Variants in LHFPL2 observed in about 807,000 individuals in gnomAD.
LHFPL2 encodes the protein LHFPL tetraspan subfamily member 2.
LHFPL2 carries 7 observed loss-of-function variants against 17.5 expected under a neutral mutation model. That is an observed-to-expected ratio of 0.40 (90% CI 0.23 to 0.75). LHFPL2 has a LOEUF of 0.75. Among genes scored for constraint, LHFPL2 ranks in the 30% least tolerant of loss-of-function variants. The pLI is 0.37. For synonymous variants in LHFPL2, 134 were observed against 116.2 expected (o/e 1.15, Z -0.99); for missense variants, 241 against 294.8 (o/e 0.82, Z 1.34).
chr5:78,571,491 T>C (rs565858228), intron 2 of LHFPL2, among the ~76,000 whole-genome samples: 5 of 152,232 alleles, frequency 3.3e-5, no homozygotes, highest in African/African-American at 1.2e-4. Flanking sequence ...CTAATAATTA[T>C]TCGCTTGTCT....
At chr5:78,641,335 T>A (rs1287559866) in intron 1 of LHFPL2, among the ~76,000 whole-genome samples, 1 of 152,236 alleles carries the variant, frequency 6.6e-6, no homozygotes, top group Admixed American at 6.5e-5. Context: ...CCAGACAACC[T>A]GGTTACGTCT....
At chr5:78,609,401 A>G (rs1302254772) in intron 2 of LHFPL2, among the ~76,000 whole-genome samples, 1 of 142,390 alleles carries the variant, frequency 7.0e-6, no homozygotes, top group Non-Finnish European at 1.5e-5. Context: ...AGGTGAGCCG[A>G]GATCGAGCCA....
rs1467404211 is a variant in LHFPL2, at chr5:78,583,928, C to T, written c.-244-19057G>A. ...ATCACTTTCAGGTACACCAATCAGA[C>T]GTAGATTTGGTCTTTTCACATAGTC... On this transcript the variant is annotated intron_variant, in intron 2 of 4. Coordinates refer to ENST00000380345, the MANE Select transcript of LHFPL2 (RefSeq NM_005779.3). Among the ~76,000 whole-genome samples, 1,185 of 151,708 alleles carry T rather than the reference C, an allele frequency of 7.8e-3. 6 individuals are homozygous for T. Among genetic ancestry groups the T allele is most frequent in the Non-Finnish European group, 0.013 (880 of 67,922 alleles).
intron 2 of LHFPL2, among the ~76,000 whole-genome samples, chr5:78,584,466 G>T (rs1462422067): frequency 1.3e-5 from 2 of 152,076 alleles, no homozygotes; most frequent in Non-Finnish European, 2.9e-5. Context: ...TTTTTGGTGT[G>T]GATGTCCTTT....
chr5:78,516,211 AG>A (rs1755286372), intron 3 of LHFPL2, among the ~76,000 whole-genome samples: 1 of 150,760 alleles, frequency 6.6e-6, no homozygotes, highest in South Asian at 2.1e-4. Context: ...TATATTTAAG[AG>A]GACCCAAATG....
chr5:78,589,530 CAA>C (rs940282869), intron 2 of LHFPL2, among the ~76,000 whole-genome samples: 1 of 151,662 alleles, frequency 6.6e-6, no homozygotes, highest in Non-Finnish European at 1.5e-5. Flanking sequence ...AAAGTCATTG[CAA>C]AAAAACAGCA....
chr5:78,578,510 T>C (rs1035763956), intron 2 of LHFPL2, among the ~76,000 whole-genome samples: 1 of 151,902 alleles, frequency 6.6e-6, no homozygotes, highest in African/African-American at 2.4e-5. Flanking sequence ...GGTACAGAGG[T>C]TTTGGCAATT....
intron 3 of LHFPL2, among the ~76,000 whole-genome samples, chr5:78,559,073 T>C (rs946749208): frequency 1.3e-5 from 2 of 152,178 alleles, no homozygotes; most frequent in African/African-American, 4.8e-5. Context: ...TCTCCCAAAC[T>C]TCCCTTTTAG....
chr5:78,644,009 C>T (rs1331581503), intron 1 of LHFPL2, among the ~76,000 whole-genome samples: 1 of 152,192 alleles, frequency 6.6e-6, no homozygotes, highest in African/African-American at 2.4e-5. Context: ...TTGCAGTGAG[C>T]TGAGATCATG....
Position 78,532,368 on chromosome 5 carries a change from G to C in LHFPL2, c.-185-21970C>G, listed in dbSNP as rs146357512. Among the ~76,000 whole-genome samples, 558 of 152,244 alleles carry C rather than the reference G, an allele frequency of 3.7e-3. 4 individuals carry two copies. Among genetic ancestry groups the C allele is most frequent in the African/African-American group, 0.013 (522 of 41,532 alleles). On this transcript the variant is annotated intron_variant, in intron 3 of 4. Transcript: ENST00000380345. ...AGCCATTGCACCTAACCCTGACTCAGCTTTGACCTTGGCTTTTCTCCTGCT... is the reference window on the plus strand; with the variant it reads ...AGCCATTGCACCTAACCCTGACTCACCTTTGACCTTGGCTTTTCTCCTGCT...
chr5:78,486,860 A>C lies in LHFPL2; in HGVS notation c.*2037T>G, dbSNP rs1754260855. On this transcript the variant is annotated 3_prime_UTR_variant, in exon 5 of 5. Transcript: ENST00000380345. Reference sequence around the variant, plus strand: ...TGAGATTGTAAACCTAGTGTCAGAAAATGGTTTCTCTATCCAAGAAAGAAA... The same window carrying C: ...TGAGATTGTAAACCTAGTGTCAGAACATGGTTTCTCTATCCAAGAAAGAAA... 1.3e-5 allele frequency: 2 copies of C among 152,196 alleles called. No homozygotes were observed. The highest frequency in any genetic ancestry group is 4.1e-4 in the South Asian group (2 of 4,832). The allele number at this position is 152,196 out of a possible 1,614,324, so 9.4% of individuals were successfully genotyped here.
chr5:78,507,698 C>T (rs1754972679), intron 4 of LHFPL2, among the ~76,000 whole-genome samples: 1 of 152,066 alleles, frequency 6.6e-6, no homozygotes, highest in Non-Finnish European at 1.5e-5. Context: ...ACATGACAAA[C>T]CAGGAGTCTC....
rs752599327 is a variant in LHFPL2 at position 78,510,138 on chromosome 5, T to A, written c.76A>T (p.Ile26Phe). The change falls in exon 4 of 5, where the codon ATT becomes TTT. Residue 26 changes from isoleucine (I) to phenylalanine (F), a missense_variant. Ile to Phe is a conservative substitution (Grantham distance 21, BLOSUM62 0). Coordinates refer to ENST00000380345, the MANE Select transcript of LHFPL2 (RefSeq NM_005779.3). ...AGCCAGTCTGCACTCATGAAGGCAATGAGCTCGGCAAAAGCCACCACAATA... is the reference window on the plus strand; with the variant it reads ...AGCCAGTCTGCACTCATGAAGGCAAAGAGCTCGGCAAAAGCCACCACAATA... ...LSIVVAFAEL[I>F]AFMSADWLIG... 6 of 1,612,964 alleles carry A rather than the reference T, an allele frequency of 3.7e-6. 1 individual carries two copies. The South Asian group carries it at 4.4e-5, about 12-fold the overall frequency.
intron 3 of LHFPL2, among the ~76,000 whole-genome samples, chr5:78,514,185 G>A (rs943307415): frequency 1.1e-4 from 16 of 151,142 alleles, no homozygotes; most frequent in Non-Finnish European, 1.6e-4. Flanking sequence ...CTAGGCCCTC[G>A]CTGCCATTCT....
intron 2 of LHFPL2, among the ~76,000 whole-genome samples, chr5:78,615,671 C>T (rs977293620): frequency 6.6e-6 from 1 of 152,158 alleles, no homozygotes; most frequent in Non-Finnish European, 1.5e-5. Context: ...TAAAAGAACT[C>T]AGATTGTCCC....
chr5:78,485,870 T>C lies in LHFPL2; in HGVS notation c.*3027A>G, dbSNP rs1754221219. The C allele has an allele frequency of 6.5e-6, 1 of 152,758 alleles. No individual in the cohort carries two copies. Among genetic ancestry groups the C allele is most frequent in the South Asian group, 2.1e-4 (1 of 4,824 alleles). The allele number at this position is 152,758 out of a possible 1,614,324, so 9.5% of individuals were successfully genotyped here. A position where few individuals can be genotyped will look rare whatever the true frequency, so the allele number is the denominator to read the frequency against. ...TTATTTTAGACCCAGGAAAAAATGA[T>C]TTCATACCAGTCTTTTCTTCACATA... On this transcript the variant is annotated 3_prime_UTR_variant, in exon 5 of 5. Transcript: ENST00000380345.
At chr5:78,517,481 G>A (rs890956248) in intron 3 of LHFPL2, among the ~76,000 whole-genome samples, 3 of 152,150 alleles carry the variant, frequency 2.0e-5, no homozygotes, top group Non-Finnish European at 2.9e-5. Context: ...AGACATACCC[G>A]AAACTGGGTA....
intron 3 of LHFPL2, among the ~76,000 whole-genome samples, chr5:78,558,665 A>T (rs1756645818): frequency 6.6e-6 from 1 of 152,154 alleles, no homozygotes; most frequent in Non-Finnish European, 1.5e-5. Context: ...GAGATCCAAA[A>T]CATCCCTGTG....
intron 1 of LHFPL2, among the ~76,000 whole-genome samples, chr5:78,637,368 G>A (rs1745488580): frequency 6.6e-6 from 1 of 151,110 alleles, no homozygotes. Context: ...CATGTAATGA[G>A]GAAATCATTT....
Sources: gnomAD v4.1 joint callset for allele counts (sites outside exome capture counted in the v4.1 genomes callset) on GRCh38, gnomAD v4.1.1 for gene constraint, MANE v1.5 for transcripts, NCBI Gene and HGNC (gene_info 2026-07-23, HGNC 2026-07-21) for gene names.